The following SGCD variants were observed in gnomAD, a reference collection of about 807,000 sequenced individuals.
SGCD encodes the protein delta-sarcoglycan.
Under a neutral mutation model 36.6 loss-of-function variants are expected in SGCD, and 18 were observed. The observed-to-expected ratio is 0.49, with a 90% CI of 0.34 to 0.73. SGCD has a LOEUF of 0.73. Ranked by LOEUF, SGCD falls within the 30% of genes least tolerant of loss-of-function variation. The pLI, the probability that SGCD is intolerant of heterozygous loss-of-function variation, is 0.01. For missense variants in SGCD, 387 were observed against 346.7 expected, an observed-to-expected ratio of 1.12 and a Z score of -0.92; for synonymous variants, 133 against 130.6, an observed-to-expected ratio of 1.02 and a Z score of -0.12.
At chr5:156,439,845 T>C (rs1033483556) in intron 3 of SGCD, among the ~76,000 whole-genome samples, 4 of 152,164 alleles carry the variant, frequency 2.6e-5, no homozygotes, top group African/African-American at 9.7e-5. Flanking sequence ...TATCTTGTTG[T>C]ATCAGATTGT....
intron 7 of SGCD, among the ~76,000 whole-genome samples, chr5:156,704,973 C>T (rs2113738637): frequency 6.6e-6 from 1 of 151,148 alleles, no homozygotes; most frequent in South Asian, 2.1e-4. Flanking sequence ...TCCCTATTAA[C>T]ATCAACCCAA....
chr5:156,547,250 G>C (rs1195557906), intron 4 of SGCD, among the ~76,000 whole-genome samples: 1 of 152,006 alleles, frequency 6.6e-6, no homozygotes, highest in Admixed American at 6.6e-5. Flanking sequence ...AGCATTCATA[G>C]CCTGTTACCC....
chr5:156,658,621 C>T (rs1581349250), intron 7 of SGCD, among the ~76,000 whole-genome samples: 2 of 81,348 alleles, frequency 2.5e-5, no homozygotes, highest in South Asian at 9.9e-4. Flanking sequence ...CCTATGTCTA[C>T]TTCTTTCTAC....
At chr5:156,617,136 T>C (rs1285038993) in intron 6 of SGCD, among the ~76,000 whole-genome samples, 1 of 152,232 alleles carries the variant, frequency 6.6e-6, no homozygotes, top group African/African-American at 2.4e-5. Flanking sequence ...TCTCATAGAC[T>C]TAGAATAGCA....
At chr5:155,873,688 G>A (rs1755705938) in intron 1 of SGCD, among the ~76,000 whole-genome samples, 1 of 151,952 alleles carries the variant, frequency 6.6e-6, no homozygotes, top group African/African-American at 2.4e-5. Context: ...TTTTTAAAAA[G>A]AAAAAGTCAT....
At chr5:156,350,443 A>G (rs920236343) in intron 3 of SGCD, among the ~76,000 whole-genome samples, 3 of 151,894 alleles carry the variant, frequency 2.0e-5, no homozygotes, top group African/African-American at 7.2e-5. Context: ...TGATCTATCC[A>G]AGATTGAAAA....
At chr5:155,790,518 G>A in the SGCD span, among the ~76,000 whole-genome samples, 22 of 151,988 alleles carry the variant, frequency 1.4e-4, no homozygotes, top group Non-Finnish European at 2.9e-4. Flanking sequence ...AATATGACAT[G>A]TCTATATCAA....
At chr5:156,090,638 C>G (rs1291495108) in intron 1 of SGCD, among the ~76,000 whole-genome samples, 1 of 152,156 alleles carries the variant, frequency 6.6e-6, no homozygotes, top group Non-Finnish European at 1.5e-5. Flanking sequence ...GAGCAGACAA[C>G]CGGTCTGACT....
chr5:156,421,484 C>T (rs1227914583), intron 3 of SGCD, among the ~76,000 whole-genome samples: 1 of 152,066 alleles, frequency 6.6e-6, no homozygotes, highest in Admixed American at 6.6e-5. Context: ...CATGGGTCAG[C>T]ACAACTGTCC....
At chr5:156,106,122 A>G (rs1761642356) in intron 1 of SGCD, among the ~76,000 whole-genome samples, 2 of 150,136 alleles carry the variant, frequency 1.3e-5, no homozygotes, top group Admixed American at 1.3e-4. Context: ...AAAAAAAAAA[A>G]AAAAAAAAAA....
chr5:156,685,077 C>A (rs80000754), intron 7 of SGCD, among the ~76,000 whole-genome samples: 1 of 151,998 alleles, frequency 6.6e-6, no homozygotes, highest in African/African-American at 2.4e-5. Context: ...GGGAAAGAAA[C>A]GTTTCTCAAA....
At chr5:156,595,923 G>A (rs937590811) in intron 6 of SGCD, among the ~76,000 whole-genome samples, 1 of 152,202 alleles carries the variant, frequency 6.6e-6, no homozygotes, top group Admixed American at 6.5e-5. Context: ...TTTTATGGCT[G>A]TATGCTGAAA....
intron 2 of SGCD, among the ~76,000 whole-genome samples, chr5:156,339,793 A>G (rs1351199896): frequency 6.6e-6 from 1 of 152,234 alleles, no homozygotes; most frequent in Non-Finnish European, 1.5e-5. Context: ...ATGAATATAT[A>G]CTTAGAATGA....
At chr5:156,364,500 C>T (rs566164157) in intron 3 of SGCD, among the ~76,000 whole-genome samples, 2 of 152,158 alleles carry the variant, frequency 1.3e-5, no homozygotes, top group South Asian at 4.2e-4. Context: ...ATTGAAAAAC[C>T]CTTCATCCAT....
At chr5:155,728,806 C>G in the SGCD span, among the ~76,000 whole-genome samples, 6 of 152,172 alleles carry the variant, frequency 3.9e-5, no homozygotes, top group Non-Finnish European at 7.4e-5. Context: ...CGATGCGCCC[C>G]CACCCGGGCG....
chr5:155,867,479 C>G (rs554681552), upstream of SGCD, among the ~76,000 whole-genome samples: 10 of 152,186 alleles, frequency 6.6e-5, no homozygotes, highest in South Asian at 6.2e-4. Flanking sequence ...TCAACCTAGC[C>G]AAATGAAATG....
chr5:156,355,666 T>A (rs1224633690), intron 3 of SGCD, among the ~76,000 whole-genome samples: 1 of 152,234 alleles, frequency 6.6e-6, no homozygotes, highest in Non-Finnish European at 1.5e-5. Flanking sequence ...AGACAGAGTC[T>A]GACTGTGTTG....
intron 3 of SGCD, among the ~76,000 whole-genome samples, chr5:156,166,093 A>G (rs1187459834): frequency 1.3e-5 from 2 of 151,750 alleles, no homozygotes; most frequent in African/African-American, 2.4e-5. Context: ...TGTCTGTATT[A>G]TTTGTAGTGG....
intron 6 of SGCD, among the ~76,000 whole-genome samples, chr5:156,624,922 G>T (rs904468341): frequency 1.3e-5 from 2 of 152,140 alleles, no homozygotes; most frequent in Non-Finnish European, 2.9e-5. Flanking sequence ...CATCTGCATG[G>T]TAGCATTAGT....
Sources: gnomAD v4.1 joint callset for allele counts (sites outside exome capture counted in the v4.1 genomes callset) on GRCh38, gnomAD v4.1.1 for gene constraint, MANE v1.5 for transcripts, NCBI Gene and HGNC (gene_info 2026-07-23, HGNC 2026-07-21) for gene names.